Variants in CCSER1 observed in about 807,000 individuals in gnomAD.
CCSER1 encodes serine-rich coiled-coil domain-containing protein 1.
A neutral mutation model predicts 82.0 loss-of-function variants in CCSER1; 41 were observed. The ratio of observed to expected loss-of-function variants is 0.50; its 90% CI spans 0.39 to 0.65. CCSER1 has a LOEUF of 0.65. Among genes scored for constraint, CCSER1 ranks in the 30% least tolerant of loss-of-function variants. The probability of loss-of-function intolerance (pLI) is 0.00; values close to 1 mark genes in which losing one functional copy is unlikely to be tolerated. For missense variants in CCSER1, 1,119 were observed against 1,064.2 expected, an observed-to-expected ratio of 1.05 and a Z score of -0.72; for synonymous variants, 414 against 383.9, an observed-to-expected ratio of 1.08 and a Z score of -0.92.
chr4:90,480,848 C>T (rs1483369687), intron 5 of CCSER1, among the ~76,000 whole-genome samples: 3 of 152,072 alleles, frequency 2.0e-5, no homozygotes, highest in African/African-American at 2.4e-5. Flanking sequence ...TTAGGATTGA[C>T]GTGGCAATGC....
chr4:91,350,552 A>G (rs904012501), intron 10 of CCSER1, among the ~76,000 whole-genome samples: 6 of 152,126 alleles, frequency 3.9e-5, no homozygotes, highest in African/African-American at 1.4e-4. Flanking sequence ...AATGATGTAT[A>G]GATGGCATTC....
intron 5 of CCSER1, among the ~76,000 whole-genome samples, chr4:90,486,546 C>A (rs1337403455): frequency 6.6e-6 from 1 of 152,158 alleles, no homozygotes; most frequent in Non-Finnish European, 1.5e-5. Flanking sequence ...GCACTTGCCA[C>A]AGGTGATGAA....
intron 6 of CCSER1, among the ~76,000 whole-genome samples, chr4:90,658,675 T>C (rs888501900): frequency 1.3e-5 from 2 of 152,246 alleles, no homozygotes; most frequent in African/African-American, 4.8e-5. Flanking sequence ...ACCATACTTA[T>C]GCATGTAATT....
chr4:91,169,378 T>C (rs906573561), intron 10 of CCSER1, among the ~76,000 whole-genome samples: 2 of 152,064 alleles, frequency 1.3e-5, no homozygotes, highest in Non-Finnish European at 2.9e-5. Context: ...CCCAGCACTT[T>C]GGGAGGCCGA....
At chr4:90,142,585 T>G (rs1724994388) in intron 1 of CCSER1, among the ~76,000 whole-genome samples, 1 of 151,956 alleles carries the variant, frequency 6.6e-6, no homozygotes, top group South Asian at 2.1e-4. Flanking sequence ...TACAGGCAAA[T>G]GCACAATACA....
rs10020012 is a variant in CCSER1 at position 91,034,973 on chromosome 4, C to T, written c.2173-50977C>T. Among the ~76,000 whole-genome samples the T allele has an allele frequency of 2.1e-3, 318 of 152,092 alleles. 2 individuals carry two copies. Among genetic ancestry groups the T allele is most frequent in the African/African-American group, 7.3e-3 (303 of 41,496 alleles). On this transcript the variant is annotated intron_variant, in intron 9 of 10. Coordinates refer to ENST00000509176, the MANE Select transcript of CCSER1 (RefSeq NM_001145065.2). ...TTTCTTCATGATGACAAAGCCTGGG[C>T]AAAACACATGTATGTGCATGCATTT...
At chr4:91,449,729 G>T (rs1231480516) in intron 10 of CCSER1, among the ~76,000 whole-genome samples, 1 of 151,774 alleles carries the variant, frequency 6.6e-6, no homozygotes, top group Non-Finnish European at 1.5e-5. Flanking sequence ...TTCGTTAATT[G>T]TTTTGTATTT....
At chr4:90,288,853 T>C (rs1357171656) in intron 1 of CCSER1, among the ~76,000 whole-genome samples, 1 of 151,974 alleles carries the variant, frequency 6.6e-6, no homozygotes, top group African/African-American at 2.4e-5. Context: ...GAATTCAGAT[T>C]CACTTGTGAA....
intron 10 of CCSER1, among the ~76,000 whole-genome samples, chr4:91,424,833 G>C (rs1753881938): frequency 6.6e-6 from 1 of 152,020 alleles, no homozygotes; most frequent in East Asian, 1.9e-4. Context: ...TGTTTAATTG[G>C]TGTGAGTATG....
At chr4:90,917,235 G>T (rs1450293092) in intron 8 of CCSER1, among the ~76,000 whole-genome samples, 1 of 152,094 alleles carries the variant, frequency 6.6e-6, no homozygotes, top group Non-Finnish European at 1.5e-5. Context: ...TTGCGGCACT[G>T]TTCACAGCAG....
At chr4:90,212,123 T>A (rs1261207151) in intron 1 of CCSER1, among the ~76,000 whole-genome samples, 1 of 152,192 alleles carries the variant, frequency 6.6e-6, no homozygotes, top group Non-Finnish European at 1.5e-5. Context: ...ATCACTTTCA[T>A]CAAAGCATCT....
At chr4:91,490,386 T>C (rs1226672365) in intron 10 of CCSER1, among the ~76,000 whole-genome samples, 1 of 152,106 alleles carries the variant, frequency 6.6e-6, no homozygotes, top group Non-Finnish European at 1.5e-5. Context: ...ATGGTATATA[T>C]ACAAGATGGA....
intron 9 of CCSER1, among the ~76,000 whole-genome samples, chr4:90,988,683 C>T (rs1460532628): frequency 6.6e-6 from 1 of 151,748 alleles, no homozygotes. Flanking sequence ...CTTATAATGA[C>T]ATAATAGACT....
At chr4:91,181,737 C>A (rs574381969) in intron 10 of CCSER1, among the ~76,000 whole-genome samples, 12 of 152,174 alleles carry the variant, frequency 7.9e-5, no homozygotes, top group Non-Finnish European at 1.6e-4. Context: ...TTCTGCAATG[C>A]GATCTTCCTA....
At position 90,998,173 on chromosome 4, in the gene CCSER1, C is replaced by T. The variant is rs113661729; in HGVS notation, c.2172+74726C>T. 3.2e-3 allele frequency among the ~76,000 whole-genome samples: 488 copies of T among 152,152 alleles called. 2 individuals carry two copies. Among genetic ancestry groups the T allele is most frequent in the African/African-American group, 0.011 (467 of 41,518 alleles). On this transcript the variant is annotated intron_variant, in intron 9 of 10. Transcript: ENST00000509176. The stretch of plus-strand genomic sequence containing the variant: ...TTGGCTCACCGCAACCTCTGCCACC[C>T]GAGTTCAAGCAATTCTCTTGCCTCA...
Position 90,426,983 on chromosome 4 carries a change from AATGAT to A in CCSER1, c.1603+26857_1603+26861del, listed in dbSNP as rs572841923. ...AAAATGTGTGTTTATAGGATAAGAA[AATGAT>A]ATATCTGCAGGAAATGAAAATAAAT... is the stretch of plus-strand genomic sequence containing the variant. On this transcript the variant is annotated intron_variant, in intron 4 of 10. Transcript: ENST00000509176. Among the ~76,000 whole-genome samples, 994 of 152,244 alleles carry A rather than the reference AATGAT, an allele frequency of 6.5e-3. 8 individuals carry two copies. The highest frequency in any genetic ancestry group is 0.011 in the Non-Finnish European group (723 of 67,956).
chr4:90,573,702 C>T (rs1780377278), intron 5 of CCSER1, among the ~76,000 whole-genome samples: 1 of 151,988 alleles, frequency 6.6e-6, no homozygotes, highest in Non-Finnish European at 1.5e-5. Context: ...CTACTTCACC[C>T]CTCCCCCTCA....
chr4:91,454,672 T>G (rs572343185), intron 10 of CCSER1, among the ~76,000 whole-genome samples: 1 of 152,218 alleles, frequency 6.6e-6, no homozygotes, highest in East Asian at 1.9e-4. Flanking sequence ...TTTAATTTTT[T>G]AAAAGGAAGC....
At chr4:90,379,190 G>C (rs1279636784) in intron 3 of CCSER1, among the ~76,000 whole-genome samples, 3 of 152,154 alleles carry the variant, frequency 2.0e-5, no homozygotes, top group Non-Finnish European at 4.4e-5. Context: ...CTTCAGGACT[G>C]CTCTCTTCTA....
Sources: gnomAD v4.1 joint callset for allele counts (sites outside exome capture counted in the v4.1 genomes callset) on GRCh38, gnomAD v4.1.1 for gene constraint, MANE v1.5 for transcripts, NCBI Gene and HGNC (gene_info 2026-07-23, HGNC 2026-07-21) for gene names.